The following CLMN variants were observed in gnomAD, a reference collection of about 807,000 sequenced individuals.
CLMN encodes the protein calmin (calponin-like, transmembrane).
A neutral mutation model predicts 92.7 loss-of-function variants in CLMN; 57 were observed. That is an observed-to-expected ratio of 0.61 (90% CI 0.50 to 0.77). The LOEUF is 0.77. Among genes scored for constraint, CLMN ranks in the 30% least tolerant of loss-of-function variants. The probability of loss-of-function intolerance (pLI) is 0.00; values close to 1 mark genes in which losing one functional copy is unlikely to be tolerated. For synonymous variants in CLMN, 466 were observed against 470.6 expected (o/e 0.99, Z 0.13); for missense variants, 1,158 against 1,237.5 (o/e 0.94, Z 0.96).
At chr14:95,245,444 T>G (rs1166983815) in intron 1 of CLMN, among the ~76,000 whole-genome samples, 2 of 149,454 alleles carry the variant, frequency 1.3e-5, no homozygotes, top group Non-Finnish European at 3.0e-5. Context: ...CAGTGCCTGG[T>G]GTGTAAGTAC....
intron 2 of CLMN, among the ~76,000 whole-genome samples, chr14:95,228,553 G>A (rs1376888821): frequency 6.6e-6 from 1 of 152,194 alleles, no homozygotes; most frequent in Non-Finnish European, 1.5e-5. Context: ...TAGAATTGAG[G>A]TCAAGAGCTC....
intron 5 of CLMN, 26 bp from the exon 6 acceptor site, chr14:95,213,435 C>G (rs1897251454): frequency 1.9e-6 from 3 of 1,584,028 alleles, no homozygotes; most frequent in Non-Finnish European, 2.6e-6. Context: ...CATTTCAGAC[C>G]CCAGCAACAG....
At chr14:95,298,223 C>G (rs1278650244) in intron 1 of CLMN, among the ~76,000 whole-genome samples, 3 of 152,112 alleles carry the variant, frequency 2.0e-5, no homozygotes, top group African/African-American at 4.8e-5. Flanking sequence ...CCCCTTCCCC[C>G]CCAATAGATT....
rs368049151 is a variant in CLMN at position 95,256,040 on chromosome 14, G to A, written c.83-25907C>T. On this transcript the variant is annotated intron_variant, in intron 1 of 12. Coordinates refer to ENST00000298912, the MANE Select transcript of CLMN (RefSeq NM_024734.4). The surrounding 1 kb of genome is among the most constrained non-coding windows in gnomAD (Gnocchi z 4.9). ...TCCTTATCCCCATTTTACAAATGAG[G>A]AAACTGAGGCACAGAAAGCTTAACG... Among the ~76,000 whole-genome samples the A allele has an allele frequency of 1.3e-5, 2 of 152,132 alleles. No individual in the cohort carries two copies. Among genetic ancestry groups the A allele is most frequent in the East Asian group, 1.9e-4 (1 of 5,200 alleles).
chr14:95,302,472 G>T (rs970971682), intron 1 of CLMN, among the ~76,000 whole-genome samples: 1 of 152,042 alleles, frequency 6.6e-6, no homozygotes, highest in African/African-American at 2.4e-5. Context: ...AAAGTCAAAA[G>T]AAACAGGGGA....
Position 95,190,000 on chromosome 14 carries a change from G to A in CLMN, c.*1564C>T, listed in dbSNP as rs1391483339. 1 of 152,240 alleles carries A rather than the reference G, an allele frequency of 6.6e-6. No homozygotes were observed. The highest frequency in any genetic ancestry group is 2.4e-5 in the African/African-American group (1 of 41,450). 9.4% of individuals were successfully genotyped at this position (152,240 alleles called of 1,614,324 possible). ...CTTGAAATGAGCAAGTCCTTGGCTA[G>A]CAAAGAAAGAAACGTGATTCCTGGA... On this transcript the variant is annotated 3_prime_UTR_variant, in exon 13 of 13. Coordinates refer to ENST00000298912, the MANE Select transcript of CLMN (RefSeq NM_024734.4).
At chr14:95,253,458 C>G (rs1002190440) in intron 1 of CLMN, among the ~76,000 whole-genome samples, 2 of 139,988 alleles carry the variant, frequency 1.4e-5, no homozygotes, top group Non-Finnish European at 3.0e-5. Context: ...GGCTCATTCA[C>G]ACAGGAAATG....
rs141414199 is a variant in CLMN at position 95,253,514 on chromosome 14, C to T, written c.83-23381G>A. Among the ~76,000 whole-genome samples, 1,010 of 152,190 alleles carry T rather than the reference C, an allele frequency of 6.6e-3. 8 individuals carry two copies. Among genetic ancestry groups the T allele is most frequent in the Non-Finnish European group, 0.01 (685 of 68,014 alleles). On this transcript the variant is annotated intron_variant, in intron 1 of 12. Coordinates refer to ENST00000298912, the MANE Select transcript of CLMN (RefSeq NM_024734.4). ...ACAAATATGGATCAAGTCTCGCATG[C>T]AGGGAATGCAGGGAGATGGAGGACA... is the stretch of plus-strand genomic sequence containing the variant.
intron 1 of CLMN, among the ~76,000 whole-genome samples, chr14:95,304,519 A>G (rs1566923731): frequency 6.6e-6 from 1 of 152,032 alleles, no homozygotes; most frequent in East Asian, 1.9e-4. Context: ...AACCAGCCGG[A>G]TCCGTGCATC....
chr14:95,319,338 CACAG>C (rs1207152435), intron 1 of CLMN, among the ~76,000 whole-genome samples: 3,035 of 144,230 alleles, frequency 0.021, 116 homozygotes, highest in African/African-American at 0.073. Flanking sequence ...CACACACACA[CACAG>C]AGTCGCACTG....
intron 4 of CLMN, among the ~76,000 whole-genome samples, chr14:95,218,639 T>C (rs1215452314): frequency 1.3e-5 from 2 of 152,216 alleles, no homozygotes; most frequent in Non-Finnish European, 2.9e-5. Context: ...ATTCTGGGAA[T>C]GGGACAGAGT....
intron 1 of CLMN, among the ~76,000 whole-genome samples, chr14:95,319,303 TCACACACA>T (rs60670197): frequency 0.012 from 1,699 of 144,016 alleles, 35 homozygotes; most frequent in African/African-American, 0.039. Flanking sequence ...GTGCGCGAAC[TCACACACA>T]CACACACACA....
At position 95,319,782 on chromosome 14, in the gene CLMN, T is replaced by C. The variant is rs1901966686; in HGVS notation, c.11A>G (p.His4Arg). MAA[H>R]EWDWFQREEL... ...CTCGCGTTGGAACCAGTCCCACTCG[T>C]GTGCAGCCATGAAGCGCGGGCGGGA... Residue 4 changes from histidine to arginine, a missense_variant, in exon 1 of 13, where the codon CAC becomes CGC. Coordinates refer to ENST00000298912, the MANE Select transcript of CLMN (RefSeq NM_024734.4). The C allele has an allele frequency of 1.9e-6, 3 of 1,576,578 alleles. No homozygotes were observed. Among genetic ancestry groups the C allele is most frequent in the Non-Finnish European group, 2.6e-6 (3 of 1,167,770 alleles).
In CLMN at chr14:95,244,986, T is replaced by C. The variant is rs536096586; in HGVS notation, c.83-14853A>G. Among the ~76,000 whole-genome samples, 809 of 114,512 alleles carry C rather than the reference T, an allele frequency of 7.1e-3. 6 individuals are homozygous for C. Among genetic ancestry groups the C allele is most frequent in the African/African-American group, 0.026 (778 of 30,058 alleles). 75.1% of individuals were successfully genotyped at this position (114,512 alleles called of 152,430 possible). Reference sequence around the variant, plus strand: ...TTTAGCATATATACACATATATGTGTATACACACACACACACACACACACA... The same window carrying C: ...TTTAGCATATATACACATATATGTGCATACACACACACACACACACACACA... On this transcript the variant is annotated intron_variant, in intron 1 of 12. Transcript: ENST00000298912.
intron 10 of CLMN, among the ~76,000 whole-genome samples, chr14:95,195,365 C>T (rs1392077749): frequency 1.3e-5 from 2 of 152,212 alleles, no homozygotes; most frequent in Non-Finnish European, 2.9e-5. Context: ...CGCTGGGAGT[C>T]AAAGGCCAAG....
At position 95,194,601 on chromosome 14, in the gene CLMN, A is replaced by G. The variant is rs760262156; in HGVS notation, c.2709-5T>C. On this transcript the variant is annotated splice_polypyrimidine_tract_variant and splice_region_variant and intron_variant, in intron 10 of 12. Transcript: ENST00000298912. This position sits in a 1 kb window ranked among gnomAD's most constrained non-coding sequence, Gnocchi z 4.0. Reference sequence around the variant, plus strand: ...CTGGAGTCACTGTGACTAGTCCTGAAAAACAAACACATGTTTTGAATTGGT... The same window carrying G: ...CTGGAGTCACTGTGACTAGTCCTGAGAAACAAACACATGTTTTGAATTGGT... The G allele has an allele frequency of 1.2e-6, 2 of 1,614,118 alleles. No homozygotes were observed. Among genetic ancestry groups the G allele is most frequent in the South Asian group, 2.2e-5 (2 of 91,074 alleles).
Position 95,186,407 on chromosome 14 carries a change from T to G in CLMN, c.*5157A>C, listed in dbSNP as rs1255189154. On this transcript the variant is annotated 3_prime_UTR_variant, in exon 13 of 13. Transcript: ENST00000298912. ...GCAAGAGTGTCCTGCTTCTGAGCCT[T>G]GGTGGGAGAACATCTCCCCACAAAG... is the stretch of plus-strand genomic sequence containing the variant. The G allele has an allele frequency of 6.6e-6, 1 of 152,194 alleles. No homozygotes were observed. The highest frequency in any genetic ancestry group is 1.5e-5 in the Non-Finnish European group (1 of 68,028). The allele number at this position is 152,194 out of a possible 1,614,324, so 9.4% of individuals were successfully genotyped here.
chr14:95,215,768 TG>T (rs1428653574), intron 4 of CLMN, 35 bp from the exon 5 acceptor site: 1 of 1,490,342 alleles, frequency 6.7e-7, no homozygotes, highest in South Asian at 1.1e-5. Context: ...TAAAGCGAGG[TG>T]TCCAGGGAGG....
At chr14:95,214,459 C>A (rs1401952920) in intron 5 of CLMN, among the ~76,000 whole-genome samples, 1 of 149,724 alleles carries the variant, frequency 6.7e-6, no homozygotes, top group Non-Finnish European at 1.5e-5. Flanking sequence ...AAGTAATCCT[C>A]CAAACTCAGC....
Sources: allele counts gnomAD v4.1 joint callset (sites outside exome capture counted in the v4.1 genomes callset), GRCh38; gene constraint gnomAD v4.1.1; non-coding constraint Gnocchi (gnomAD v3.1); transcripts MANE v1.5; gene names NCBI Gene and HGNC (gene_info 2026-07-23, HGNC 2026-07-21).